The following FRYL variants were observed in gnomAD, a reference collection of about 807,000 sequenced individuals.
The protein encoded by FRYL is FRY like transcription coactivator.
Under a neutral mutation model 351.2 loss-of-function variants are expected in FRYL, and 150 were observed. The ratio of observed to expected loss-of-function variants is 0.43; its 90% confidence interval spans 0.37 to 0.49. The LOEUF is 0.49. Among genes scored for constraint, FRYL ranks in the 20% least tolerant of loss-of-function variants. The probability of loss-of-function intolerance (pLI) is 0.00; values close to 1 mark genes in which losing one functional copy is unlikely to be tolerated. For synonymous variants in FRYL, 1,153 were observed against 1,257.1 expected (o/e 0.92, Z 1.75); for missense variants, 3,036 against 3,619.3 (o/e 0.84, Z 4.13).
At chr4:48,565,500 G>C in intron 29 of FRYL, 31 bp downstream of exon 29, 1 of 1,506,984 alleles carries the variant, frequency 6.6e-7, no homozygotes, top group Non-Finnish European at 8.9e-7. Flanking sequence ...CTGCTCTTAA[G>C]AAAAAAGAAA....
chr4:48,730,977 T>C (rs1770655429), intron 1 of FRYL, among the ~76,000 whole-genome samples: 1 of 151,634 alleles, frequency 6.6e-6, no homozygotes, highest in South Asian at 2.1e-4. Flanking sequence ...GAGAACCACA[T>C]CACGTGCAAC....
At chr4:48,690,974 TTG>T (rs1470932976) in intron 2 of FRYL, among the ~76,000 whole-genome samples, 1 of 152,220 alleles carries the variant, frequency 6.6e-6, no homozygotes, top group Admixed American at 6.5e-5. Context: ...TCTCCAAAGT[TTG>T]TCTTTCCTCT....
rs375724636 is a variant in FRYL at position 48,500,155 on chromosome 4, G to A, written c.8658C>T (p.Ser2886=). ...TGGAAATGTCAATTTCTTCGTTTTC[G>A]GAAGCGGACTCAGCTTCTTTGAGGA... ...ESILKEAESA[S]ENEEIDISKA... The change falls in exon 63 of 64, where the codon TCC becomes TCT. Residue 2886 remains serine, a synonymous_variant. Transcript: ENST00000358350. The A allele has an allele frequency of 1.2e-5, 20 of 1,606,244 alleles. No homozygotes were observed. The highest frequency in any genetic ancestry group is 6.7e-5 in the African/African-American group (5 of 74,378).
intron 1 of FRYL, among the ~76,000 whole-genome samples, chr4:48,763,476 G>T (rs1774625971): frequency 6.6e-6 from 1 of 151,704 alleles, no homozygotes; most frequent in South Asian, 2.1e-4. Flanking sequence ...AAAAAAACTT[G>T]GAAAAAAAAG....
intron 55 of FRYL, among the ~76,000 whole-genome samples, 195 bp from the exon 56 acceptor site, chr4:48,515,470 C>T (rs1723380736): frequency 6.6e-6 from 1 of 152,118 alleles, no homozygotes; most frequent in Non-Finnish European, 1.5e-5. Flanking sequence ...CAGGTTCAAG[C>T]GATTCTCCTG....
intron 2 of FRYL, among the ~76,000 whole-genome samples, chr4:48,709,523 T>G (rs1448308645): frequency 2.0e-5 from 3 of 152,116 alleles, no homozygotes; most frequent in Admixed American, 6.5e-5. Context: ...ATCTTATTCT[T>G]GCCCCACAAT....
chr4:48,573,137 G>C lies in FRYL; in HGVS notation c.2904+49C>G, dbSNP rs377596595. The C allele has an allele frequency of 1.2e-5, 17 of 1,377,936 alleles. No individual in the cohort carries two copies. In the African/African-American group the frequency reaches 2.4e-4, roughly 20 times the overall value. 85.4% of individuals were successfully genotyped at this position (1,377,936 alleles called of 1,614,324 possible). The stretch of plus-strand genomic sequence containing the variant: ...AACTTTTGATATAACATGTAAATAT[G>C]GCAGAAAAATGAATGTTCACTAATA... On this transcript the variant is annotated intron_variant, in intron 26 of 63. Transcript: ENST00000358350.
intron 1 of FRYL, among the ~76,000 whole-genome samples, chr4:48,759,137 G>A (rs1774144152): frequency 6.6e-6 from 1 of 152,088 alleles, no homozygotes; most frequent in African/African-American, 2.4e-5. Context: ...TGTAAATGAC[G>A]AGTTAATGGG....
At chr4:48,592,575 C>G (rs545995795) in intron 16 of FRYL, among the ~76,000 whole-genome samples, 3 of 152,152 alleles carry the variant, frequency 2.0e-5, no homozygotes, top group Admixed American at 1.3e-4. Flanking sequence ...TGAATATTTT[C>G]TTAAAATGGA....
chr4:48,534,343 G>A (rs528436437), intron 49 of FRYL, among the ~76,000 whole-genome samples: 4 of 152,228 alleles, frequency 2.6e-5, no homozygotes, highest in African/African-American at 9.6e-5. Flanking sequence ...TTGTTAATAC[G>A]AAAAGTAGAA....
At chr4:48,501,223 C>G (rs1719572965) in intron 62 of FRYL, among the ~76,000 whole-genome samples, 1 of 151,860 alleles carries the variant, frequency 6.6e-6, no homozygotes, top group Admixed American at 6.6e-5. Context: ...CAGGGTCTTG[C>G]TCTGTCACCT....
chr4:48,691,106 C>T (rs1471953499), intron 2 of FRYL, among the ~76,000 whole-genome samples: 1 of 152,108 alleles, frequency 6.6e-6, no homozygotes, highest in Non-Finnish European at 1.5e-5. Context: ...AATTTATAGC[C>T]CCAAAACAAC....
chr4:48,605,571 T>C (rs745934061), intron 11 of FRYL, among the ~76,000 whole-genome samples, 170 bp downstream of exon 11: 19 of 152,182 alleles, frequency 1.2e-4, no homozygotes, highest in Non-Finnish European at 2.8e-4. Context: ...AAACATTGTA[T>C]GATCAACAAA....
intron 3 of FRYL, among the ~76,000 whole-genome samples, chr4:48,666,504 T>C (rs1268223487): frequency 6.6e-6 from 1 of 152,186 alleles, no homozygotes; most frequent in African/African-American, 2.4e-5. Context: ...GATAAATGTT[T>C]ATGCATGGTT....
At chr4:48,627,725 A>C (rs1752101048) in intron 4 of FRYL, among the ~76,000 whole-genome samples, 1 of 152,222 alleles carries the variant, frequency 6.6e-6, no homozygotes, top group Non-Finnish European at 1.5e-5. Context: ...TAGGTTCATT[A>C]TAGTGTAGTT....
At chr4:48,542,813 C>T (rs981349248) in intron 44 of FRYL, among the ~76,000 whole-genome samples, 41 of 152,176 alleles carry the variant, frequency 2.7e-4, no homozygotes, top group Admixed American at 5.9e-4. Flanking sequence ...CAGCTGGACT[C>T]TTAACCTCCT....
intron 32 of FRYL, 132 bp downstream of exon 32, chr4:48,562,757 C>T (rs1735810731): frequency 1.7e-6 from 1 of 596,984 alleles, no homozygotes; most frequent in African/African-American, 1.9e-5. Flanking sequence ...AATAATTAGG[C>T]CTTGATACCA....
At chr4:48,576,914 A>G (rs1220674267) in intron 23 of FRYL, among the ~76,000 whole-genome samples, 1 of 152,126 alleles carries the variant, frequency 6.6e-6, no homozygotes, top group Admixed American at 6.5e-5. Flanking sequence ...ATCTCTTTTA[A>G]TTTATACGAA....
intron 18 of FRYL, among the ~76,000 whole-genome samples, chr4:48,588,675 G>A (rs1742633167): frequency 6.6e-6 from 1 of 152,124 alleles, no homozygotes; most frequent in African/African-American, 2.4e-5. Flanking sequence ...ATTGGCCCAT[G>A]GGCCTCTTTC....
Sources: allele counts gnomAD v4.1 joint callset (sites outside exome capture counted in the v4.1 genomes callset), GRCh38; gene constraint gnomAD v4.1.1; transcripts MANE v1.5; gene names NCBI Gene and HGNC (gene_info 2026-07-23, HGNC 2026-07-21).